Variants in CHST11 observed in about 807,000 individuals in gnomAD.
The protein encoded by CHST11 is carbohydrate sulfotransferase 11, also known as C4S-1.
CHST11 carries 9 observed loss-of-function variants against 30.4 expected under a neutral mutation model. That is an observed-to-expected ratio of 0.30 (90% CI 0.18 to 0.52). The LOEUF (loss-of-function observed/expected upper bound fraction) is 0.52, where lower values mean the gene tolerates loss of function less well. CHST11 is among the 20% of genes least tolerant of loss of function. CHST11 has a pLI of 0.97. For missense variants in CHST11, 348 were observed against 460.6 expected (o/e 0.76, Z 2.24); for synonymous variants, 152 against 187.8 (o/e 0.81, Z 1.56).
At chr12:104,520,680 A>G (rs1363930335) in intron 1 of CHST11, among the ~76,000 whole-genome samples, 1 of 152,152 alleles carries the variant, frequency 6.6e-6, no homozygotes, top group Non-Finnish European at 1.5e-5. Flanking sequence ...CTGAGCATCA[A>G]GCTGGTGCAG....
rs2039205895 is a variant in CHST11, at chr12:104,625,528, C to G, written c.204+23537C>G. 2.0e-5 allele frequency among the ~76,000 whole-genome samples: 3 copies of G among 152,334 alleles called. No individual in the cohort carries two copies. The East Asian group carries it at 5.8e-4, about 29-fold the overall frequency. ...CCATGTTGGCCAGGCTGGTCTTGAACTCCTGACCTCAGGCGATCCGCCCGC... is the reference window on the plus strand; with the variant it reads ...CCATGTTGGCCAGGCTGGTCTTGAAGTCCTGACCTCAGGCGATCCGCCCGC... On this transcript the variant is annotated intron_variant, in intron 2 of 2. Transcript: ENST00000303694.
Position 104,491,931 on chromosome 12 carries a change from C to T in CHST11, c.118+34402C>T, listed in dbSNP as rs1021661893. Reference sequence around the variant, plus strand: ...GCAGCCTCACTTGCTGTGCTCCAGCCATGTGGATCTTCCTCCTGTCTCTAA... The same window carrying T: ...GCAGCCTCACTTGCTGTGCTCCAGCTATGTGGATCTTCCTCCTGTCTCTAA... On this transcript the variant is annotated intron_variant, in intron 1 of 2. Coordinates refer to ENST00000303694, the MANE Select transcript of CHST11 (RefSeq NM_018413.6). Among the ~76,000 whole-genome samples, 3 of 152,074 alleles carry T rather than the reference C, an allele frequency of 2.0e-5. No homozygotes were observed. The South Asian group carries it at 6.2e-4, about 32-fold the overall frequency.
intron 1 of CHST11, among the ~76,000 whole-genome samples, chr12:104,531,482 AGAGAG>A (rs2038184045): frequency 1.5e-5 from 2 of 137,230 alleles, no homozygotes; most frequent in Non-Finnish European, 3.1e-5. Flanking sequence ...AAAAAAAAAG[AGAGAG>A]AGAGAGAGAA....
At chr12:104,527,487 C>T (rs2038138417) in intron 1 of CHST11, among the ~76,000 whole-genome samples, 1 of 152,168 alleles carries the variant, frequency 6.6e-6, no homozygotes, top group Admixed American at 6.5e-5. Flanking sequence ...TTCTAGGCTA[C>T]CTGCTCTGCG....
Position 104,752,505 on chromosome 12 carries a change from C to CTTAT in CHST11, c.205-4415_205-4412dup, listed in dbSNP as rs56136898. On this transcript the variant is annotated intron_variant, in intron 2 of 2. Transcript: ENST00000303694. Reference sequence around the variant, plus strand: ...AACAAACAATTGGGAAATTTATTTACTTATTTATTTATTTATTTATTTATT... The same window carrying CTTAT: ...AACAAACAATTGGGAAATTTATTTACTTATTTATTTATTTATTTATTTATTTATT... Among the ~76,000 whole-genome samples, 2,339 of 149,544 alleles carry CTTAT rather than the reference C, an allele frequency of 0.016. 95 individuals are homozygous for CTTAT. In the East Asian group the frequency reaches 0.18, roughly 11 times the overall value.
intron 2 of CHST11, among the ~76,000 whole-genome samples, chr12:104,667,581 T>A (rs2039653142): frequency 6.6e-6 from 1 of 152,208 alleles, no homozygotes; most frequent in South Asian, 2.1e-4. Flanking sequence ...CCTAACTTTT[T>A]CATCTGCATT....
chr12:104,698,578 A>T (rs772010959), intron 2 of CHST11, among the ~76,000 whole-genome samples: 3 of 152,192 alleles, frequency 2.0e-5, no homozygotes, highest in Non-Finnish European at 4.4e-5. Flanking sequence ...TGTCTGGTAT[A>T]CAGAAGGCAT....
chr12:104,546,264 G>GT (rs1421158699), intron 1 of CHST11, among the ~76,000 whole-genome samples: 1 of 151,660 alleles, frequency 6.6e-6, no homozygotes, highest in Non-Finnish European at 1.5e-5. Flanking sequence ...GAGGTCAGGA[G>GT]TTTGAGACCA....
chr12:104,720,425 G>C lies in CHST11; in HGVS notation c.205-36524G>C, dbSNP rs146364033. On this transcript the variant is annotated intron_variant, in intron 2 of 2. Coordinates refer to ENST00000303694, the MANE Select transcript of CHST11 (RefSeq NM_018413.6). ...TGCTGTGTCTCTCCCTGAGGGCTGC[G>C]TGCAGCCTCCCCTTCCAGACCCCGC... Among the ~76,000 whole-genome samples the C allele has an allele frequency of 4.4e-3, 676 of 152,314 alleles. 6 individuals are homozygous for C. Among genetic ancestry groups the C allele is most frequent in the African/African-American group, 0.014 (600 of 41,572 alleles).
rs188029964 is a variant in CHST11, at chr12:104,471,973, T to A, written c.118+14444T>A. ...CCCTCACCCTAATTTAAAAAAAAAATTTATGGTGACAGAATCTTGCTCTGT... is the reference window on the plus strand; with the variant it reads ...CCCTCACCCTAATTTAAAAAAAAAAATTATGGTGACAGAATCTTGCTCTGT... On this transcript the variant is annotated intron_variant, in intron 1 of 2. Transcript: ENST00000303694. Among the ~76,000 whole-genome samples the A allele has an allele frequency of 6.7e-3, 1,018 of 151,802 alleles. 13 individuals are homozygous for A. Among genetic ancestry groups the A allele is most frequent in the African/African-American group, 0.023 (965 of 41,344 alleles).
intron 1 of CHST11, among the ~76,000 whole-genome samples, chr12:104,513,138 T>TGGGGGGGGGGGGGGGG (rs1565969843): frequency 6.0e-4 from 2 of 3,340 alleles, no homozygotes; most frequent in African/African-American, 1.4e-3. Context: ...GGGGGGGGGG[T>TGGGGGGGGGGGGGGGG]TGGGGGTGGG....
At chr12:104,539,835 G>A (rs1800752173) in intron 1 of CHST11, among the ~76,000 whole-genome samples, 1 of 152,076 alleles carries the variant, frequency 6.6e-6, no homozygotes, top group South Asian at 2.1e-4. Flanking sequence ...TAATGTAGTA[G>A]TATTTGTTTT....
chr12:104,552,690 C>G (rs770396915), intron 1 of CHST11: 1 of 152,156 alleles, frequency 6.6e-6, no homozygotes, highest in Non-Finnish European at 1.5e-5. Flanking sequence ...TGTTTTCTCC[C>G]ATGGCCCAAA....
intron 2 of CHST11, among the ~76,000 whole-genome samples, chr12:104,692,341 A>T (rs1270476069): frequency 6.6e-6 from 1 of 152,180 alleles, no homozygotes; most frequent in Admixed American, 6.5e-5. Flanking sequence ...CCTTCAAGAC[A>T]TTGCATTAGG....
chr12:104,745,334 G>A (rs962621113), intron 2 of CHST11, among the ~76,000 whole-genome samples: 4 of 152,086 alleles, frequency 2.6e-5, no homozygotes, highest in East Asian at 1.9e-4. Context: ...ATGCCGTTTC[G>A]GTTACTATAG....
intron 2 of CHST11, among the ~76,000 whole-genome samples, chr12:104,727,466 A>T (rs1295809288): frequency 1.3e-5 from 2 of 152,212 alleles, no homozygotes; most frequent in Non-Finnish European, 2.9e-5. Flanking sequence ...AGGAAGGCTG[A>T]TGGGAGTGGG....
chr12:104,491,148 A>G (rs1033233526), intron 1 of CHST11, among the ~76,000 whole-genome samples: 1 of 152,072 alleles, frequency 6.6e-6, no homozygotes, highest in African/African-American at 2.4e-5. Context: ...GGTTCTCTAC[A>G]AGTATCCTCT....
chr12:104,618,034 G>A (rs1459499804), intron 2 of CHST11, among the ~76,000 whole-genome samples: 3 of 150,676 alleles, frequency 2.0e-5, no homozygotes, highest in South Asian at 2.1e-4. Context: ...TCAGCCTCCC[G>A]AGTAGCTGGG....
chr12:104,497,687 C>A (rs1262158657), intron 1 of CHST11, among the ~76,000 whole-genome samples: 10 of 152,140 alleles, frequency 6.6e-5, no homozygotes, highest in Non-Finnish European at 1.5e-4. Context: ...TCTCTGCTAA[C>A]CTTCTTACCG....
Sources: gnomAD v4.1 joint callset for allele counts (sites outside exome capture counted in the v4.1 genomes callset) on GRCh38, gnomAD v4.1.1 for gene constraint, MANE v1.5 for transcripts, NCBI Gene and HGNC (gene_info 2026-07-23, HGNC 2026-07-21) for gene names.